Variants in MYH3 observed in about 807,000 individuals in gnomAD.
MYH3 encodes the protein myosin heavy chain 3, also known as myosin-3.
A neutral mutation model predicts 238.0 loss-of-function variants in MYH3; 130 were observed. The ratio of observed to expected loss-of-function variants is 0.55; its 90% CI spans 0.47 to 0.63. MYH3 has a LOEUF of 0.63. Ranked by LOEUF, MYH3 falls within the 30% of genes least tolerant of loss-of-function variation. MYH3 has a pLI of 0.00. For missense variants in MYH3, 1,853 were observed against 2,374.9 expected, an observed-to-expected ratio of 0.78 and a Z score of 4.57; for synonymous variants, 880 against 924.1, an observed-to-expected ratio of 0.95 and a Z score of 0.86.
Position 10,652,424 on chromosome 17 carries a change from A to C in MYH3, c.344T>G (p.Ile115Ser), listed in dbSNP as rs2074385376. Residue 115 changes from isoleucine (I) to serine (S), a missense_variant, in exon 4 of 41, where the codon ATC becomes AGC. By Grantham distance (142) the Ile-to-Ser change is moderately radical (BLOSUM62 -2). This residue lies in a region of MYH3 where 678 missense variants were observed against 1,058.9 expected (regional missense o/e 0.64). Transcript: ENST00000583535. The part of the protein sequence containing the change: ...NLKDRYTSWM[I>S]YTYSGLFCVT... ...ACGTCGAAAGCCCTCGCTGACATAG[A>C]TCATCCAAGATGTGTAACGGTCCTT... The C allele has an allele frequency of 3.7e-6, 6 of 1,613,828 alleles. No homozygotes were observed. Among genetic ancestry groups the C allele is most frequent in the African/African-American group, 1.3e-5 (1 of 74,862 alleles).
rs1485394297 is a variant in MYH3 at position 10,645,925 on chromosome 17, T to A, written c.1002+4A>T. 6.2e-7 allele frequency: 1 copy of A among 1,613,896 alleles called. No homozygotes were observed. The highest frequency in any genetic ancestry group is 1.1e-5 in the South Asian group (1 of 91,084). ...CACCCACCCCTTCTGTTGGTTCCAC[T>A]TACGTCTGTAGCCAGCAGCTCCTCT... On this transcript the variant is annotated splice_donor_region_variant and intron_variant, in intron 11 of 40. Coordinates refer to ENST00000583535, the MANE Select transcript of MYH3 (RefSeq NM_002470.4).
intron 12 of MYH3, 129 bp downstream of exon 12, chr17:10,645,578 C>T (rs2074313173): frequency 8.2e-7 from 1 of 1,212,690 alleles, no homozygotes; most frequent in African/African-American, 1.5e-5. Flanking sequence ...CCCCCTCAGC[C>T]TCCCAAAGTG....
chr17:10,641,418 T>C (rs2074270295), intron 17 of MYH3, 46 bp from the exon 18 acceptor site: 1 of 1,356,692 alleles, frequency 7.4e-7, no homozygotes, highest in East Asian at 2.3e-5. Context: ...TGTAGGTTTT[T>C]ATGAAGACAG....
intron 30 of MYH3, 135 bp from the exon 31 acceptor site, chr17:10,635,158 G>C: frequency 3.1e-6 from 4 of 1,306,004 alleles, no homozygotes; most frequent in South Asian, 1.3e-5. Context: ...AGAATTTCCT[G>C]TCTACTCAAA....
chr17:10,669,630 ACGG>A, the MYH3 span, among the ~76,000 whole-genome samples: 1 of 151,438 alleles, frequency 6.6e-6, no homozygotes, highest in African/African-American at 2.4e-5. Context: ...CAGGTTGGGC[ACGG>A]TGGCTTGCGC....
chr17:10,648,602 G>C lies in MYH3; in HGVS notation c.690C>G (p.Ala230=), dbSNP rs147148934. The C allele has an allele frequency of 4.9e-3, 7,984 of 1,613,692 alleles. 40 individuals carry two copies. Among genetic ancestry groups the C allele is most frequent in the Middle Eastern group, 0.017 (103 of 6,056 alleles). The part of the protein sequence containing the change: ...QIISANPLLE[A]FGNAKTVRND... ...TCCTCACAGTCTTGGCGTTCCCAAA[G>C]GCCTCCAGCAGGGGATTGGCACTGA... The change falls in exon 8 of 41, where the codon GCC becomes GCG. Residue 230 remains alanine (A), a synonymous_variant. Coordinates refer to ENST00000583535, the MANE Select transcript of MYH3 (RefSeq NM_002470.4).
At chr17:10,660,507 C>T (rs985425512), upstream of MYH3, among the ~76,000 whole-genome samples, 32 of 151,252 alleles carry the variant, frequency 2.1e-4, no homozygotes, top group African/African-American at 7.3e-4. Context: ...AACCCCGTCT[C>T]TACTAAAAAT....
chr17:10,656,971 A>G (rs1282700220), intron 1 of MYH3, among the ~76,000 whole-genome samples: 1 of 152,156 alleles, frequency 6.6e-6, no homozygotes, highest in Non-Finnish European at 1.5e-5. Context: ...AAGCCATGGC[A>G]GCTGGGCTCA....
Position 10,647,429 on chromosome 17 carries a change from G to A in MYH3, c.736-3C>T. The A allele has an allele frequency of 6.2e-7, 1 of 1,614,122 alleles. No individual in the cohort carries two copies. Among genetic ancestry groups the A allele is most frequent in the Non-Finnish European group, 8.5e-7 (1 of 1,179,972 alleles). Reference sequence around the variant, plus strand: ...AAATGGATTCGGATGAACTTGCCCTGTATGGGGCGGGATTCAGGGGGAGAC... The same window carrying A: ...AAATGGATTCGGATGAACTTGCCCTATATGGGGCGGGATTCAGGGGGAGAC... On this transcript the variant is annotated splice_region_variant and splice_polypyrimidine_tract_variant and intron_variant, in intron 8 of 40. Coordinates refer to ENST00000583535, the MANE Select transcript of MYH3 (RefSeq NM_002470.4).
At chr17:10,631,350 T>C (rs1002483833) in intron 36 of MYH3, among the ~76,000 whole-genome samples, 2 of 152,230 alleles carry the variant, frequency 1.3e-5, no homozygotes, top group African/African-American at 4.8e-5. Flanking sequence ...ATATTTGGAA[T>C]AAGTCAGATG....
chr17:10,667,912 A>G, the MYH3 span, among the ~76,000 whole-genome samples: 1 of 152,212 alleles, frequency 6.6e-6, no homozygotes, highest in East Asian at 1.9e-4. Context: ...AACCATATAA[A>G]TGGTTTACAG....
chr17:10,642,863 C>G lies in MYH3; in HGVS notation c.1544G>C (p.Gly515Ala). 3 of 1,614,052 alleles carry G rather than the reference C, an allele frequency of 1.9e-6. No individual in the cohort carries two copies. Among genetic ancestry groups the G allele is most frequent in the Non-Finnish European group, 2.5e-6 (3 of 1,180,006 alleles). ...EGIEWTFIDFGMDLAACIELI... is the reference protein window; with the variant it reads ...EGIEWTFIDFAMDLAACIELI... ...CTCGATGCAGGCAGCCAGGTCCATC[C>G]CGAAGTCAATGAACGTCCACTCGAT... The change falls in exon 15 of 41, where the codon GGG (glycine) becomes GCG (alanine). Residue 515 changes from glycine to alanine, a missense_variant. By Grantham distance (60) the Gly-to-Ala change is moderately conservative. This residue lies in a region of MYH3 where 678 missense variants were observed against 1,058.9 expected (regional missense o/e 0.64). Transcript: ENST00000583535. This position sits in a 1 kb window ranked among gnomAD's most constrained non-coding sequence, Gnocchi z 5.4.
intron 4 of MYH3, 79 bp from the exon 5 acceptor site, chr17:10,651,747 GTT>G (rs370073463): frequency 8.4e-4 from 625 of 739,906 alleles, no homozygotes; most frequent in East Asian, 2.3e-3. Context: ...TATTATTATT[GTT>G]TTTTTTTTTT....
chr17:10,637,852 C>G lies in MYH3; in HGVS notation c.3813G>C (p.Leu1271=), dbSNP rs778982808. ...RGKNEEIQRS[L]SELTTQKSRL... is the part of the protein sequence containing the mutation. ...GAGACTTCTGTGTGGTCAGCTCGCT[C>G]AGGCTCCTCTGAATTTCCTCATTCT... Residue 1271 remains leucine, a synonymous_variant, in exon 28 of 41, where the codon CTG becomes CTC. Coordinates refer to ENST00000583535, the MANE Select transcript of MYH3 (RefSeq NM_002470.4). The G allele has an allele frequency of 1.1e-5, 17 of 1,614,180 alleles. No homozygotes were observed. The East Asian group carries it at 3.8e-4, about 36-fold the overall frequency.
chr17:10,664,487 T>C, the MYH3 span, among the ~76,000 whole-genome samples: 2 of 152,178 alleles, frequency 1.3e-5, no homozygotes, highest in African/African-American at 4.8e-5. Flanking sequence ...TCAGGAGTTA[T>C]GACATAAGCT....
the MYH3 span, among the ~76,000 whole-genome samples, chr17:10,670,154 G>A: frequency 6.6e-6 from 1 of 152,196 alleles, no homozygotes; most frequent in African/African-American, 2.4e-5. This position sits in a 1 kb window ranked among gnomAD's most constrained non-coding sequence, Gnocchi z 7.0. Context: ...CTTGAGTTCC[G>A]AAATGCCTCT....
chr17:10,648,483 C>T, intron 8 of MYH3, 74 bp downstream of exon 8: 1 of 1,260,064 alleles, frequency 7.9e-7, no homozygotes, highest in Non-Finnish European at 1.2e-6. Flanking sequence ...GGTCTCTACA[C>T]TCTTTGAGGA....
At chr17:10,668,507 G>T in the MYH3 span, among the ~76,000 whole-genome samples, 2 of 152,052 alleles carry the variant, frequency 1.3e-5, no homozygotes, top group East Asian at 3.8e-4. Flanking sequence ...TGAGGTCCTA[G>T]GTTGAAGAGA....
intron 28 of MYH3, among the ~76,000 whole-genome samples, chr17:10,636,178 G>T (rs75845243): frequency 7.3e-4 from 111 of 151,594 alleles, no homozygotes; most frequent in African/African-American, 2.3e-3. Flanking sequence ...AAAATTAGCC[G>T]GGCGTGGTCA....
Sources: allele counts gnomAD v4.1 joint callset (sites outside exome capture counted in the v4.1 genomes callset), GRCh38; gene constraint gnomAD v4.1.1; regional missense constraint gnomAD v4.1.1; non-coding constraint Gnocchi (gnomAD v3.1); transcripts MANE v1.5; gene names NCBI Gene and HGNC (gene_info 2026-07-23, HGNC 2026-07-21).